Variants in HSP90AA1 observed in about 807,000 individuals in gnomAD.
HSP90AA1 encodes the protein heat shock protein 90 alpha family class A member 1.
A neutral mutation model predicts 73.3 loss-of-function variants in HSP90AA1; 18 were observed. The observed-to-expected ratio is 0.25, with a 90% confidence interval of 0.17 to 0.36. HSP90AA1 has a LOEUF of 0.36. Among genes scored for constraint, HSP90AA1 ranks in the 10% least tolerant of loss-of-function variants. HSP90AA1 has a pLI of 1.00. For missense variants in HSP90AA1, 704 were observed against 874.2 expected (o/e 0.81, Z 2.45); for synonymous variants, 477 against 296.9 (o/e 1.61, Z -6.24).
intron 1 of HSP90AA1, chr14:102,102,188 T>C: frequency 2.3e-6 from 2 of 855,350 alleles, no homozygotes; most frequent in Non-Finnish European, 4.0e-6. Flanking sequence ...TGCCCTGGCT[T>C]CCTTAGACTT....
chr14:102,082,860 T>G (rs1029737457), intron 9 of HSP90AA1, 174 bp downstream of exon 9: 5 of 690,308 alleles, frequency 7.2e-6, no homozygotes, highest in African/African-American at 1.8e-5. Flanking sequence ...GACCTTGTGA[T>G]CCGCTGCCTC....
chr14:102,139,081 C>T (rs1193857768), intron 1 of HSP90AA1, among the ~76,000 whole-genome samples: 1 of 152,186 alleles, frequency 6.6e-6, no homozygotes, highest in African/African-American at 2.4e-5. Flanking sequence ...TGTTTCTGAA[C>T]AGCTGGAGAG....
At chr14:102,081,930 G>T in intron 10 of HSP90AA1, 109 bp from the exon 11 acceptor site, 1 of 786,938 alleles carries the variant, frequency 1.3e-6, no homozygotes, top group Non-Finnish European at 2.3e-6. Flanking sequence ...GGACATATGA[G>T]TCTCAATTTC....
At chr14:102,093,647 T>C (rs2049388023) in intron 2 of HSP90AA1, among the ~76,000 whole-genome samples, 1 of 152,126 alleles carries the variant, frequency 6.6e-6, no homozygotes, top group Non-Finnish European at 1.5e-5. Flanking sequence ...TGCTTTGGTC[T>C]AAATCTCTCT....
chr14:102,105,034 TAAAA>T (rs35769966), intron 1 of HSP90AA1, among the ~76,000 whole-genome samples: 1 of 97,490 alleles, frequency 1.0e-5, no homozygotes, highest in Admixed American at 1.1e-4. Flanking sequence ...TCATCTCTAC[TAAAA>T]AAAAAAAAAA....
At chr14:102,111,653 A>C (rs889450530) in intron 1 of HSP90AA1, among the ~76,000 whole-genome samples, 8 of 152,214 alleles carry the variant, frequency 5.3e-5, no homozygotes, top group Admixed American at 6.5e-5. Context: ...TTCTAAACTC[A>C]TACTTGAGTG....
chr14:102,083,710 T>C lies in HSP90AA1; in HGVS notation c.1339-17A>G. 1 of 1,607,800 alleles carries C rather than the reference T, an allele frequency of 6.2e-7. No homozygotes were observed. The highest frequency in any genetic ancestry group is 8.5e-7 in the Non-Finnish European group (1 of 1,175,992). ...TATTCCAAGCTGAAACAAAGTATGT[T>C]CTTTACAAAGACTTTCTGAATTAAA... On this transcript the variant is annotated splice_polypyrimidine_tract_variant and intron_variant, in intron 7 of 10. Transcript: ENST00000216281.
chr14:102,124,748 C>T (rs2049820942), intron 1 of HSP90AA1, among the ~76,000 whole-genome samples: 1 of 152,070 alleles, frequency 6.6e-6, no homozygotes, highest in Admixed American at 6.6e-5. Flanking sequence ...CTTAGATTTC[C>T]AACATCTAAT....
At chr14:102,086,944 GT>G (rs982631249) in intron 1 of HSP90AA1, 41 bp downstream of exon 1, 1 of 967,108 alleles carries the variant, frequency 1.0e-6, no homozygotes, top group African/African-American at 1.8e-5. Context: ...CCCAGTCCCG[GT>G]CCCCAGTCCA....
At chr14:102,083,467 A>G in intron 8 of HSP90AA1, 79 bp downstream of exon 8, 3 of 1,456,892 alleles carry the variant, frequency 2.1e-6, no homozygotes, top group Non-Finnish European at 2.9e-6. Context: ...TAACAGTGCT[A>G]CCTGAGTAGA....
chr14:102,135,798 A>C (rs571468975), intron 1 of HSP90AA1, among the ~76,000 whole-genome samples: 1 of 152,134 alleles, frequency 6.6e-6, no homozygotes, highest in African/African-American at 2.4e-5. Context: ...CTGGCTGGCT[A>C]CTCCAAGTGC....
chr14:102,121,786 T>C (rs1260332396), intron 1 of HSP90AA1, among the ~76,000 whole-genome samples: 1 of 152,224 alleles, frequency 6.6e-6, no homozygotes, highest in African/African-American at 2.4e-5. Context: ...TCCTAATGAA[T>C]GCAACTTTTG....
At chr14:102,087,950 TC>T (rs1212040267), upstream of HSP90AA1, among the ~76,000 whole-genome samples, 14,258 of 105,860 alleles carry the variant, frequency 0.13, 421 homozygotes, top group South Asian at 0.19. Flanking sequence ...TTTTTTTTTT[TC>T]TTTTTTTTTT....
intron 1 of HSP90AA1, among the ~76,000 whole-genome samples, chr14:102,128,630 GAAAAAAA>G (rs34691938): frequency 1.0e-4 from 11 of 107,028 alleles, no homozygotes; most frequent in African/African-American, 3.6e-4. Context: ...CTCCGTCTCG[GAAAAAAA>G]AAAAAAAAAA....
At chr14:102,131,530 C>G (rs115461228) in intron 1 of HSP90AA1, among the ~76,000 whole-genome samples, 2,288 of 152,294 alleles carry the variant, frequency 0.015, 64 homozygotes, top group African/African-American at 0.052. Context: ...TCTGCTCCAG[C>G]CATAATGGCT....
intron 1 of HSP90AA1, among the ~76,000 whole-genome samples, chr14:102,125,506 G>T (rs778489547): frequency 1.3e-5 from 2 of 152,156 alleles, no homozygotes; most frequent in African/African-American, 2.4e-5. Flanking sequence ...TGGGACTAAG[G>T]AAGTGAGTGA....
chr14:102,084,082 G>A (rs186243430), intron 6 of HSP90AA1, 99 bp from the exon 7 acceptor site: 12 of 945,184 alleles, frequency 1.3e-5, no homozygotes, highest in African/African-American at 8.1e-5. Context: ...ATGATGGGAC[G>A]TATTTTTGAG....
rs1377859953 is a variant in HSP90AA1 at position 102,081,434 on chromosome 14, A to G, written c.*278T>C. The G allele has an allele frequency of 1.3e-5, 7 of 523,982 alleles. No homozygotes were observed. Among genetic ancestry groups the G allele is most frequent in the African/African-American group, 1.3e-4 (7 of 52,600 alleles). The allele number at this position is 523,982 out of a possible 1,614,324, so 32.5% of individuals were successfully genotyped here. ...GCTTGACAGCTAAACACTTTAGACC[A>G]CAAAGTTAACATCATGTTACATACG... On this transcript the variant is annotated 3_prime_UTR_variant, in exon 11 of 11. Coordinates refer to ENST00000216281, the MANE Select transcript of HSP90AA1 (RefSeq NM_005348.4).
chr14:102,108,099 A>C lies in HSP90AA1; in HGVS notation c.156-6014T>G, dbSNP rs1390435684. On this transcript the variant is annotated intron_variant, in intron 1 of 11. Coordinates refer to the HSP90AA1 transcript ENST00000334701. ...CAACATGGCGAGGCCATGTCTCTAC[A>C]AAAATTTTAGAAAATTAGCTAAGTG... Among the ~76,000 whole-genome samples, 3 of 151,598 alleles carry C rather than the reference A, an allele frequency of 2.0e-5. No homozygotes were observed. The East Asian group carries it at 5.8e-4, about 29-fold the overall frequency.
Sources: gnomAD v4.1 joint callset for allele counts (sites outside exome capture counted in the v4.1 genomes callset) on GRCh38, gnomAD v4.1.1 for gene constraint, MANE v1.5 for transcripts, NCBI Gene and HGNC (gene_info 2026-07-23, HGNC 2026-07-21) for gene names.